SLC17A5: variants seen among roughly 807,000 people sequenced by gnomAD.
SLC17A5 encodes the protein solute carrier family 17 member 5.
In SLC17A5, 47 loss-of-function variants were observed where a neutral mutation model predicts 59.4. That is an observed-to-expected ratio of 0.79 (90% CI 0.63 to 1.01). The LOEUF is 1.01. Among genes scored for constraint, SLC17A5 ranks in the 50% least tolerant of loss-of-function variants. The probability of loss-of-function intolerance (pLI) is 0.00; values close to 1 mark genes in which losing one functional copy is unlikely to be tolerated. For synonymous variants in SLC17A5, 202 were observed against 210.7 expected (o/e 0.96, Z 0.36); for missense variants, 522 against 595.5 (o/e 0.88, Z 1.28).
intron 6 of SLC17A5, among the ~76,000 whole-genome samples, chr6:73,626,071 G>A (rs1370432740): frequency 6.6e-6 from 1 of 152,172 alleles, no homozygotes; most frequent in Non-Finnish European, 1.5e-5. Flanking sequence ...AGGTACAAGT[G>A]TAAATGTATT....
At chr6:73,600,539 C>T (rs577337895) in intron 9 of SLC17A5, 98 bp from the exon 10 acceptor site, 18 of 941,440 alleles carry the variant, frequency 1.9e-5, no homozygotes, top group Non-Finnish European at 2.6e-5. Flanking sequence ...GACAGAGTCT[C>T]ACTCTGTGGC....
In SLC17A5 at chr6:73,638,322, C is replaced by A. The variant is rs978001353; in HGVS notation, c.613+90G>T. The A allele has an allele frequency of 1.8e-5, 16 of 890,454 alleles. No homozygotes were observed. In the South Asian group the frequency reaches 2.1e-4, roughly 12 times the overall value. 55.2% of individuals were successfully genotyped at this position (890,454 alleles called of 1,614,324 possible). ...CTCCCCAAAGGGGCATCCAATCCAA[C>A]ATTGCATCGTTCTGGTATGCAGGCC... On this transcript the variant is annotated intron_variant, in intron 4 of 10. Coordinates refer to ENST00000355773, the MANE Select transcript of SLC17A5 (RefSeq NM_012434.5).
At chr6:73,640,174 G>C (rs1410922830) in intron 3 of SLC17A5, among the ~76,000 whole-genome samples, 3 of 152,208 alleles carry the variant, frequency 2.0e-5, no homozygotes, top group African/African-American at 4.8e-5. Flanking sequence ...AATACATTCA[G>C]CAAGGAGATT....
intron 8 of SLC17A5, 123 bp downstream of exon 8, chr6:73,615,192 C>T: frequency 9.0e-7 from 1 of 1,110,614 alleles, no homozygotes; most frequent in Non-Finnish European, 1.3e-6. Context: ...GCGAGGTGTT[C>T]TGTGTTGAGT....
At chr6:73,639,234 A>T (rs1056319284) in intron 3 of SLC17A5, among the ~76,000 whole-genome samples, 1 of 152,224 alleles carries the variant, frequency 6.6e-6, no homozygotes, top group African/African-American at 2.4e-5. Flanking sequence ...ACCACAGGAC[A>T]GTGAGAGAGA....
chr6:73,645,851 T>C (rs1447989435), intron 1 of SLC17A5, among the ~76,000 whole-genome samples: 1 of 150,258 alleles, frequency 6.7e-6, no homozygotes, highest in Non-Finnish European at 1.5e-5. Context: ...AAAAGGATCA[T>C]GTGAGAGGAG....
chr6:73,611,468 T>C (rs1472814041), intron 8 of SLC17A5, among the ~76,000 whole-genome samples: 1 of 152,082 alleles, frequency 6.6e-6, no homozygotes, highest in Non-Finnish European at 1.5e-5. Context: ...TTAGTAGAGA[T>C]GGGGTTTCGC....
intron 6 of SLC17A5, among the ~76,000 whole-genome samples, chr6:73,624,328 C>T (rs1000270006): frequency 2.2e-4 from 33 of 152,002 alleles, no homozygotes; most frequent in Non-Finnish European, 4.4e-5. Flanking sequence ...TGCTTGAACC[C>T]GGGAGGTGGA....
chr6:73,629,751 G>A lies in SLC17A5; in HGVS notation c.819+5631C>T, dbSNP rs530587160. On this transcript the variant is annotated intron_variant, in intron 6 of 10. Transcript: ENST00000355773. ...GATCGCACCATTGCACTCCAGCCTG[G>A]GCAACAAGAGAACAAGAGCGAAACT... Among the ~76,000 whole-genome samples, 3 of 151,832 alleles carry A rather than the reference G, an allele frequency of 2.0e-5. No homozygotes were observed. In the South Asian group the frequency reaches 6.3e-4, roughly 32 times the overall value.
chr6:73,653,511 C>T, intron 1 of SLC17A5: 1 of 964,136 alleles, frequency 1.0e-6, no homozygotes, highest in Non-Finnish European at 1.2e-6. Context: ...CCCGCCCCCG[C>T]CCCCGCCCCC....
chr6:73,635,360 T>A (rs200683980), intron 6 of SLC17A5, 22 bp downstream of exon 6: 539 of 1,307,662 alleles, frequency 4.1e-4, no homozygotes, highest in Non-Finnish European at 5.6e-4. Flanking sequence ...ACATTATTTT[T>A]AAAATGTGTC....
intron 6 of SLC17A5, among the ~76,000 whole-genome samples, chr6:73,632,434 CTTTTTTTTTTTT>C (rs1163170650): frequency 5.8e-5 from 5 of 86,766 alleles, no homozygotes; most frequent in African/African-American, 1.2e-4. Context: ...GTAGAGAAAG[CTTTTTTTTTTTT>C]TTTTTTTTTT....
At position 73,635,336 on chromosome 6, in the gene SLC17A5, A is replaced by G. The variant is rs187008981; in HGVS notation, c.819+46T>C. 23 of 1,071,262 alleles carry G rather than the reference A, an allele frequency of 2.1e-5. No homozygotes were observed. In the Admixed American group the frequency reaches 2.3e-4, roughly 11 times the overall value. The allele number at this position is 1,071,262 out of a possible 1,614,324, so 66.4% of individuals were successfully genotyped here. The stretch of plus-strand genomic sequence containing the variant: ...AAAAACTGATATCTTAATTCTGAAG[A>G]AAAAAAGTTTCTGACATTATTTTTA... On this transcript the variant is annotated intron_variant, in intron 6 of 10. Transcript: ENST00000355773.
intron 6 of SLC17A5, among the ~76,000 whole-genome samples, chr6:73,629,498 T>C (rs75418363): frequency 0.16 from 24,826 of 151,682 alleles, 3,119 homozygotes; most frequent in African/African-American, 0.35. Context: ...AGAAGCCGGG[T>C]GTGGTGGCTC....
intron 10 of SLC17A5, 83 bp downstream of exon 10, chr6:73,600,268 A>T: frequency 1.9e-6 from 2 of 1,046,420 alleles, no homozygotes; most frequent in Non-Finnish European, 2.9e-6. Flanking sequence ...TTAGAATTTT[A>T]AACTTAATTA....
At chr6:73,651,290 G>A (rs565339333) in intron 1 of SLC17A5, among the ~76,000 whole-genome samples, 46 of 151,352 alleles carry the variant, frequency 3.0e-4, no homozygotes, top group African/African-American at 6.8e-4. Flanking sequence ...GTGAAACTCC[G>A]TCTCTACTAA....
intron 6 of SLC17A5, among the ~76,000 whole-genome samples, chr6:73,630,875 C>CAAT (rs1561995824): frequency 6.6e-6 from 1 of 151,688 alleles, no homozygotes; most frequent in Admixed American, 6.6e-5. Context: ...GGAGAAACCC[C>CAAT]GTTTCTACTA....
At chr6:73,621,614 A>G (rs1768157516) in intron 7 of SLC17A5, among the ~76,000 whole-genome samples, 190 bp downstream of exon 7, 1 of 152,232 alleles carries the variant, frequency 6.6e-6, no homozygotes, top group Non-Finnish European at 1.5e-5. Flanking sequence ...TGATTTATAA[A>G]TGCTTTCTCC....
At chr6:73,629,902 T>C (rs532549270) in intron 6 of SLC17A5, among the ~76,000 whole-genome samples, 2 of 152,278 alleles carry the variant, frequency 1.3e-5, no homozygotes, top group African/African-American at 4.8e-5. Context: ...ATCTTCAACA[T>C]AGAGGAGTAG....
Sources: gnomAD v4.1 joint callset for allele counts (sites outside exome capture counted in the v4.1 genomes callset) on GRCh38, gnomAD v4.1.1 for gene constraint, MANE v1.5 for transcripts, NCBI Gene and HGNC (gene_info 2026-07-23, HGNC 2026-07-21) for gene names.